SASH1: variants seen among roughly 807,000 people sequenced by gnomAD.
SASH1 encodes SAM and SH3 domain containing 1, also known as SAM and SH3 domain-containing protein 1.
Under a neutral mutation model 125.2 loss-of-function variants are expected in SASH1, and 44 were observed. The observed-to-expected ratio is 0.35, with a 90% CI of 0.28 to 0.45. The LOEUF (loss-of-function observed/expected upper bound fraction) is 0.45, where lower values mean the gene tolerates loss of function less well. SASH1 is among the 20% of genes least tolerant of loss of function. The pLI is 1.00. For synonymous variants in SASH1, 639 were observed against 649.1 expected (o/e 0.98, Z 0.24); for missense variants, 1,426 against 1,614.5 (o/e 0.88, Z 2.00).
chr6:148,381,126 C>T (rs4897002), intron 1 of SASH1, among the ~76,000 whole-genome samples: 103,156 of 152,014 alleles, frequency 0.68, 35,499 homozygotes, highest in South Asian at 0.83. Context: ...GCATATACTC[C>T]GCATGAGGGA....
At chr6:148,437,104 G>A (rs1012143183) in intron 2 of SASH1, among the ~76,000 whole-genome samples, 10 of 152,116 alleles carry the variant, frequency 6.6e-5, no homozygotes, top group African/African-American at 1.9e-4. Context: ...CAGGTGCATG[G>A]CACATGGCAC....
At chr6:148,508,650 A>G in intron 8 of SASH1, 4 of 1,160,626 alleles carry the variant, frequency 3.4e-6, no homozygotes, top group Non-Finnish European at 4.3e-6. Flanking sequence ...GAAAGAAGCT[A>G]ATTGAATCCA....
chr6:148,462,860 G>A (rs754828535), intron 4 of SASH1, among the ~76,000 whole-genome samples: 2 of 152,178 alleles, frequency 1.3e-5, no homozygotes, highest in Non-Finnish European at 2.9e-5. Context: ...AGTCAGAGAC[G>A]TGGCCACCAA....
At chr6:148,245,644 G>T in the SASH1 span, among the ~76,000 whole-genome samples, 1 of 152,066 alleles carries the variant, frequency 6.6e-6, no homozygotes, top group Non-Finnish European at 1.5e-5. Flanking sequence ...GTAGTGTTTT[G>T]GTACGGTTTG....
intron 1 of SASH1, among the ~76,000 whole-genome samples, chr6:148,334,020 C>T (rs1477237828): frequency 6.6e-6 from 1 of 151,484 alleles, no homozygotes; most frequent in Non-Finnish European, 1.5e-5. Flanking sequence ...GACGGGGGTT[C>T]ACCGTGTTAG....
chr6:148,281,315 G>T (rs570101589), intron 1 of SASH1, among the ~76,000 whole-genome samples: 1 of 152,102 alleles, frequency 6.6e-6, no homozygotes, highest in East Asian at 1.9e-4. Flanking sequence ...TGGAGATTCT[G>T]AGGGCAAACG....
At chr6:148,458,051 G>A (rs1777444652) in intron 4 of SASH1, among the ~76,000 whole-genome samples, 1 of 152,200 alleles carries the variant, frequency 6.6e-6, no homozygotes, top group Non-Finnish European at 1.5e-5. Flanking sequence ...TAACTGACAT[G>A]TGACTTCAGT....
intron 8 of SASH1, among the ~76,000 whole-genome samples, chr6:148,509,609 A>G (rs1412270740): frequency 6.6e-6 from 1 of 152,202 alleles, no homozygotes; most frequent in Non-Finnish European, 1.5e-5. Context: ...GCATATTGCC[A>G]TTGTGCTTGC....
chr6:148,538,282 C>T (rs966799275), intron 16 of SASH1, among the ~76,000 whole-genome samples: 13 of 152,200 alleles, frequency 8.5e-5, no homozygotes, highest in Non-Finnish European at 1.5e-4. Context: ...GTTACTCCCA[C>T]CCAGCACTCT....
the SASH1 span, among the ~76,000 whole-genome samples, chr6:148,201,607 G>C: frequency 6.6e-6 from 1 of 152,094 alleles, no homozygotes; most frequent in Non-Finnish European, 1.5e-5. Context: ...GCTCAAAACC[G>C]TATCACCCAT....
upstream of SASH1, among the ~76,000 whole-genome samples, chr6:148,339,018 A>C (rs893272295): frequency 6.6e-6 from 1 of 150,770 alleles, no homozygotes; most frequent in Non-Finnish European, 1.5e-5. Flanking sequence ...AAAAAAAAAA[A>C]AAAAAAGAGA....
At chr6:148,378,053 A>AT (rs11412396) in intron 1 of SASH1, among the ~76,000 whole-genome samples, 31,759 of 140,504 alleles carry the variant, frequency 0.23, 3,562 homozygotes, top group East Asian at 0.36. Flanking sequence ...GTCACCCACA[A>AT]TTTTTTTTTT....
chr6:148,474,322 G>T, intron 7 of SASH1, 100 bp downstream of exon 7: 2 of 653,160 alleles, frequency 3.1e-6, no homozygotes, highest in African/African-American at 1.8e-5. Flanking sequence ...AGGTACCCAT[G>T]TTGTCAGATA....
At chr6:148,282,156 C>T (rs1779359041) in intron 1 of SASH1, among the ~76,000 whole-genome samples, 1 of 152,174 alleles carries the variant, frequency 6.6e-6, no homozygotes, top group Non-Finnish European at 1.5e-5. Flanking sequence ...AAGGTCTCCG[C>T]CCGGGGCTAC....
At chr6:148,263,971 C>A in the SASH1 span, among the ~76,000 whole-genome samples, 1 of 152,058 alleles carries the variant, frequency 6.6e-6, no homozygotes, top group South Asian at 2.1e-4. Flanking sequence ...ACTTGTACGA[C>A]AATCATTTAT....
intron 8 of SASH1, among the ~76,000 whole-genome samples, chr6:148,499,173 A>G (rs1779458780): frequency 1.3e-5 from 2 of 151,920 alleles, no homozygotes; most frequent in African/African-American, 4.8e-5. Context: ...TCATGAGACA[A>G]ATCATTTGGA....
chr6:148,194,196 A>C, the SASH1 span, among the ~76,000 whole-genome samples: 1 of 152,206 alleles, frequency 6.6e-6, no homozygotes, highest in Non-Finnish European at 1.5e-5. Flanking sequence ...GAATGCATCA[A>C]AGAATGCAGA....
chr6:148,473,294 G>A (rs927206192), intron 6 of SASH1, among the ~76,000 whole-genome samples: 5 of 151,932 alleles, frequency 3.3e-5, no homozygotes, highest in Admixed American at 6.6e-5. Context: ...GCTCTGTCAC[G>A]TAGGCTGGAG....
intron 2 of SASH1, among the ~76,000 whole-genome samples, chr6:148,430,998 C>G (rs190231278): frequency 2.0e-5 from 3 of 152,196 alleles, no homozygotes; most frequent in African/African-American, 7.2e-5. Flanking sequence ...AAAGGTTACA[C>G]TACAGCAGGG....
Sources: gnomAD v4.1 joint callset for allele counts (sites outside exome capture counted in the v4.1 genomes callset) on GRCh38, gnomAD v4.1.1 for gene constraint, MANE v1.5 for transcripts, NCBI Gene and HGNC (gene_info 2026-07-23, HGNC 2026-07-21) for gene names.